PRKD1: variants seen among roughly 807,000 people sequenced by gnomAD.
PRKD1 encodes the protein serine/threonine-protein kinase D1.
In PRKD1, 63 loss-of-function variants were observed where a neutral mutation model predicts 95.9. That is an observed-to-expected ratio of 0.66 (90% CI 0.54 to 0.81). The LOEUF (loss-of-function observed/expected upper bound fraction) is 0.81, where lower values mean the gene tolerates loss of function less well. Ranked by LOEUF, PRKD1 falls within the 30% of genes least tolerant of loss-of-function variation. PRKD1 has a pLI of 0.00. For synonymous variants in PRKD1, 425 were observed against 423.1 expected, an observed-to-expected ratio of 1.00 and a Z score of -0.05; for missense variants, 1,048 against 1,165.3, an observed-to-expected ratio of 0.90 and a Z score of 1.47.
At chr14:29,804,736 T>C (rs1890168649) in intron 1 of PRKD1, among the ~76,000 whole-genome samples, 1 of 152,196 alleles carries the variant, frequency 6.6e-6, no homozygotes, top group Admixed American at 6.5e-5. Flanking sequence ...ACATTATTGC[T>C]ATTTATCTGA....
chr14:29,740,502 T>C (rs118049178), intron 1 of PRKD1, among the ~76,000 whole-genome samples: 2,956 of 152,270 alleles, frequency 0.019, 37 homozygotes, highest in Non-Finnish European at 0.033. Context: ...GCTAGTCTCT[T>C]GAATTTTACT....
intron 1 of PRKD1, among the ~76,000 whole-genome samples, chr14:29,754,905 C>T (rs1219506470): frequency 7.2e-5 from 11 of 152,052 alleles, no homozygotes; most frequent in Admixed American, 7.2e-4. Flanking sequence ...ATGATACTAA[C>T]TTATATCATC....
At chr14:29,923,093 T>C (rs1895178818) in intron 1 of PRKD1, among the ~76,000 whole-genome samples, 1 of 151,554 alleles carries the variant, frequency 6.6e-6, no homozygotes, top group Admixed American at 6.6e-5. Flanking sequence ...TAGCCAGGCA[T>C]GGTCACCCAT....
intron 13 of PRKD1, among the ~76,000 whole-genome samples, chr14:29,600,314 CAG>C (rs1296644013): frequency 1.3e-5 from 2 of 151,992 alleles, no homozygotes; most frequent in Non-Finnish European, 2.9e-5. Flanking sequence ...CAGTTTTTGA[CAG>C]AAACTCTTAT....
At chr14:29,747,516 T>A (rs934255319) in intron 1 of PRKD1, among the ~76,000 whole-genome samples, 3 of 152,144 alleles carry the variant, frequency 2.0e-5, no homozygotes, top group Non-Finnish European at 4.4e-5. Flanking sequence ...ATAGCAGCAC[T>A]ATTCACAATA....
intron 1 of PRKD1, among the ~76,000 whole-genome samples, chr14:29,859,991 G>A (rs1183699179): frequency 6.6e-6 from 1 of 152,180 alleles, no homozygotes; most frequent in Non-Finnish European, 1.5e-5. Context: ...AAGTGTACTT[G>A]TGAGTTTTTA....
intron 13 of PRKD1, among the ~76,000 whole-genome samples, chr14:29,613,055 G>GC (rs915358121): frequency 6.6e-6 from 1 of 151,798 alleles, no homozygotes; most frequent in Non-Finnish European, 1.5e-5. Context: ...CCAAGATCAT[G>GC]CCACTGCACT....
intron 1 of PRKD1, among the ~76,000 whole-genome samples, chr14:29,868,356 T>C (rs1258676523): frequency 6.6e-6 from 1 of 152,210 alleles, no homozygotes; most frequent in East Asian, 1.9e-4. Flanking sequence ...CATAGTTTAG[T>C]CCTCTCTGAT....
At chr14:29,668,878 T>C (rs1023068448) in intron 2 of PRKD1, among the ~76,000 whole-genome samples, 1 of 152,146 alleles carries the variant, frequency 6.6e-6, no homozygotes, top group Non-Finnish European at 1.5e-5. Context: ...CCAAACCCCA[T>C]TTTACAGATG....
chr14:29,695,059 C>T (rs1314163966), intron 2 of PRKD1, among the ~76,000 whole-genome samples: 6 of 151,930 alleles, frequency 3.9e-5, no homozygotes, highest in Admixed American at 3.9e-4. Flanking sequence ...ATGGCAAAAC[C>T]CCGTCTCTAC....
chr14:29,854,791 C>T (rs1285893363), intron 1 of PRKD1, among the ~76,000 whole-genome samples: 4 of 152,148 alleles, frequency 2.6e-5, no homozygotes, highest in African/African-American at 7.2e-5. Flanking sequence ...CCAGGGTCTC[C>T]ATGCTTTGTG....
intron 16 of PRKD1, among the ~76,000 whole-genome samples, chr14:29,582,104 C>G (rs562357154): frequency 2.6e-5 from 4 of 151,778 alleles, no homozygotes; most frequent in Admixed American, 2.6e-4. Context: ...GGTAATCCTA[C>G]TTAAAAAAAA....
intron 1 of PRKD1, among the ~76,000 whole-genome samples, chr14:29,838,398 G>A (rs1444008202): frequency 6.6e-6 from 1 of 151,960 alleles, no homozygotes; most frequent in Non-Finnish European, 1.5e-5. Flanking sequence ...TGTTTATTAA[G>A]GAATTAAAAA....
At chr14:29,579,280 G>A (rs1018525322) in intron 16 of PRKD1, among the ~76,000 whole-genome samples, 10 of 151,860 alleles carry the variant, frequency 6.6e-5, no homozygotes, top group African/African-American at 1.2e-4. Context: ...TCTCATTCTT[G>A]TAATAACTTC....
At chr14:29,605,275 C>T (rs1261512567) in intron 13 of PRKD1, among the ~76,000 whole-genome samples, 1 of 152,154 alleles carries the variant, frequency 6.6e-6, no homozygotes, top group Admixed American at 6.6e-5. Flanking sequence ...TGAATCACCA[C>T]CAACTTCTGG....
At position 29,597,741 on chromosome 14, in the gene PRKD1, A is replaced by G. The variant is rs746453198; in HGVS notation, c.2184T>C (p.Phe728=). The change falls in exon 16 of 18, where the codon TTT becomes TTC. Residue 728 remains phenylalanine (F), a synonymous_variant. Transcript: ENST00000331968. ...TCTCTCCAATGATCCGGGCAAAACC[A>G]AAATCACAAAGTTTCACCTGTTGAT... is the stretch of plus-strand genomic sequence containing the variant. ...DPFPQVKLCD[F]GFARIIGEKS... is the part of the protein sequence containing the mutation. The G allele has an allele frequency of 6.2e-7, 1 of 1,611,096 alleles. No homozygotes were observed. Among genetic ancestry groups the G allele is most frequent in the South Asian group, 1.1e-5 (1 of 90,636 alleles).
chr14:29,660,254 A>T (rs1006094928), intron 4 of PRKD1, among the ~76,000 whole-genome samples: 1 of 152,146 alleles, frequency 6.6e-6, no homozygotes, highest in African/African-American at 2.4e-5. Context: ...TCATCGGTTA[A>T]TTTTTCTGTC....
Position 29,927,706 on chromosome 14 carries a change from G to A in PRKD1, c.-194C>T. Reference sequence around the variant, plus strand: ...CGGGAGGGGAGGGGACTAAGGGGAGGAGATGGGGAGGAGGGAAAATGGCCG... The same window carrying A: ...CGGGAGGGGAGGGGACTAAGGGGAGAAGATGGGGAGGAGGGAAAATGGCCG... On this transcript the variant is annotated 5_prime_UTR_variant, in exon 1 of 18. Transcript: ENST00000331968. The A allele has an allele frequency of 4.5e-6, 1 of 222,972 alleles. No homozygotes were observed. The allele number at this position is 222,972 out of a possible 1,614,324, so 13.8% of individuals were successfully genotyped here. A position where few individuals can be genotyped will look rare whatever the true frequency, so the allele number is the denominator to read the frequency against.
At chr14:29,910,259 C>T (rs764839406) in intron 1 of PRKD1, among the ~76,000 whole-genome samples, 72 of 151,992 alleles carry the variant, frequency 4.7e-4, no homozygotes, top group Non-Finnish European at 7.6e-4. Context: ...ACTCCAGACG[C>T]GCCGCCTTAA....
Sources: allele counts gnomAD v4.1 joint callset (sites outside exome capture counted in the v4.1 genomes callset), GRCh38; gene constraint gnomAD v4.1.1; transcripts MANE v1.5; gene names NCBI Gene and HGNC (gene_info 2026-07-23, HGNC 2026-07-21).